The following CLNK variants were observed in gnomAD, a reference collection of about 807,000 sequenced individuals.
CLNK encodes cytokine-dependent hematopoietic cell linker.
CLNK carries 74 observed loss-of-function variants against 68.6 expected under a neutral mutation model. The observed-to-expected ratio is 1.08, with a 90% CI of 0.89 to 1.31. The LOEUF (loss-of-function observed/expected upper bound fraction) is 1.31. CLNK is among the 50% of genes most tolerant of loss of function. CLNK has a pLI of 0.00. For synonymous variants in CLNK, 198 were observed against 172.2 expected (o/e 1.15, Z -1.17); for missense variants, 553 against 515.3 (o/e 1.07, Z -0.71).
chr4:10,555,718 T>C (rs1719644022), intron 8 of CLNK, among the ~76,000 whole-genome samples: 1 of 152,234 alleles, frequency 6.6e-6, no homozygotes, highest in South Asian at 2.1e-4. Flanking sequence ...CCAATATGTT[T>C]TATTCTATGA....
chr4:10,694,205 C>G, the CLNK span, among the ~76,000 whole-genome samples: 1 of 151,362 alleles, frequency 6.6e-6, no homozygotes, highest in Non-Finnish European at 1.5e-5. Context: ...GCCTCTTTTG[C>G]TGATTCATAC....
intron 2 of CLNK, among the ~76,000 whole-genome samples, chr4:10,600,870 A>G (rs1487308178): frequency 1.3e-5 from 2 of 152,198 alleles, no homozygotes; most frequent in Non-Finnish European, 2.9e-5. Flanking sequence ...CAGCCCATGT[A>G]GCATTTGCCT....
At chr4:10,524,667 A>G (rs1337984337) in intron 14 of CLNK, among the ~76,000 whole-genome samples, 1 of 152,216 alleles carries the variant, frequency 6.6e-6, no homozygotes, top group Non-Finnish European at 1.5e-5. Flanking sequence ...GCTTGGCTTC[A>G]GTGGTAAAGG....
intron 1 of CLNK, among the ~76,000 whole-genome samples, chr4:10,672,128 T>C (rs1724671116): frequency 6.6e-6 from 1 of 152,102 alleles, no homozygotes; most frequent in Non-Finnish European, 1.5e-5. Context: ...CAATAGGCAA[T>C]GTCAGGGAAG....
At chr4:10,597,651 C>G (rs1014007415) in intron 3 of CLNK, among the ~76,000 whole-genome samples, 5 of 152,172 alleles carry the variant, frequency 3.3e-5, no homozygotes, top group Non-Finnish European at 5.9e-5. Context: ...ATCCATCATT[C>G]AAATCATTCA....
intron 14 of CLNK, 58 bp from the exon 15 acceptor site, chr4:10,520,889 T>C: frequency 7.5e-7 from 1 of 1,337,594 alleles, no homozygotes; most frequent in East Asian, 2.4e-5. Flanking sequence ...GGTGGTAAAA[T>C]TCCACTCAGA....
At chr4:10,558,648 G>C (rs1004499478) in intron 7 of CLNK, among the ~76,000 whole-genome samples, 196 bp from the exon 8 acceptor site, 1 of 152,176 alleles carries the variant, frequency 6.6e-6, no homozygotes, top group Non-Finnish European at 1.5e-5. Context: ...GCAGTGGCTT[G>C]AGTGGTGTTT....
In CLNK at chr4:10,507,960, T is replaced by C; in HGVS notation, c.983A>G (p.Lys328Arg). Residue 328 changes from lysine to arginine, a missense_variant and splice_region_variant, in exon 17 of 19, where the codon AAG becomes AGG. Coordinates refer to ENST00000226951, the MANE Select transcript of CLNK (RefSeq NM_052964.4). ...GATGGGCCACGTAGAAGGCATTACCTTGTTCTCCTTCATGAATGCCTCTTC... is the reference window on the plus strand; with the variant it reads ...GATGGGCCACGTAGAAGGCATTACCCTGTTCTCCTTCATGAATGCCTCTTC... ...AVEEAFMKEN[K>R]DGSFLVRDCS... 6.2e-7 allele frequency: 1 copy of C among 1,602,820 alleles called. No individual in the cohort carries two copies. Among genetic ancestry groups the C allele is most frequent in the Non-Finnish European group, 8.5e-7 (1 of 1,173,680 alleles).
intron 18 of CLNK, among the ~76,000 whole-genome samples, chr4:10,499,585 T>C (rs572703109): frequency 6.6e-6 from 1 of 152,358 alleles, no homozygotes; most frequent in Non-Finnish European, 1.5e-5. Context: ...CAATGTGCCC[T>C]ATTTTGTTAT....
the CLNK span, among the ~76,000 whole-genome samples, chr4:10,714,433 T>C: frequency 4.6e-5 from 7 of 152,214 alleles, no homozygotes; most frequent in Non-Finnish European, 1.0e-4. Context: ...TTTCCAAACC[T>C]ATTTTCCTAC....
At chr4:10,636,434 G>T (rs749037996) in intron 2 of CLNK, among the ~76,000 whole-genome samples, 1 of 152,186 alleles carries the variant, frequency 6.6e-6, no homozygotes, top group Non-Finnish European at 1.5e-5. Flanking sequence ...TGGAAGATAC[G>T]AGAGAGCACA....
chr4:10,499,108 G>T (rs1560189008), intron 18 of CLNK, among the ~76,000 whole-genome samples: 2 of 151,600 alleles, frequency 1.3e-5, no homozygotes, highest in East Asian at 3.9e-4. Flanking sequence ...TAACTTTTTA[G>T]CTCATTACAG....
At chr4:10,712,646 C>G in the CLNK span, among the ~76,000 whole-genome samples, 1 of 152,206 alleles carries the variant, frequency 6.6e-6, no homozygotes, top group African/African-American at 2.4e-5. Context: ...TAAATGGCAA[C>G]CAGCCACTGT....
intron 11 of CLNK, among the ~76,000 whole-genome samples, chr4:10,540,145 C>T (rs1577116210): frequency 6.6e-6 from 1 of 152,128 alleles, no homozygotes; most frequent in African/African-American, 2.4e-5. Context: ...TATGCTGTTC[C>T]CATGTTACTG....
At chr4:10,705,400 A>T in the CLNK span, among the ~76,000 whole-genome samples, 12 of 152,230 alleles carry the variant, frequency 7.9e-5, no homozygotes, top group Non-Finnish European at 1.3e-4. Context: ...TAAAAATCTT[A>T]TATTTCTGAA....
intron 11 of CLNK, among the ~76,000 whole-genome samples, chr4:10,537,638 T>TTC (rs1191182371): frequency 1.0e-4 from 6 of 57,518 alleles, no homozygotes; most frequent in Middle Eastern, 7.8e-3. Flanking sequence ...TCTTTCTTTC[T>TTC]CTTTCTTTCT....
In CLNK at chr4:10,503,051, G is replaced by A. The variant is rs559514514; in HGVS notation, c.985-1640C>T. 1.2e-3 allele frequency among the ~76,000 whole-genome samples: 177 copies of A among 152,268 alleles called. 1 individual carries two copies. Among genetic ancestry groups the A allele is most frequent in the African/African-American group, 4.0e-3 (167 of 41,548 alleles). On this transcript the variant is annotated intron_variant, in intron 17 of 18. Transcript: ENST00000226951. Reference sequence around the variant, plus strand: ...GAGAAATGGAGCAGTCCTCCTGAACGTGAACACATCTACCAGGCTTAGTTT... The same window carrying A: ...GAGAAATGGAGCAGTCCTCCTGAACATGAACACATCTACCAGGCTTAGTTT...
intron 10 of CLNK, among the ~76,000 whole-genome samples, chr4:10,540,935 C>G (rs1718987789): frequency 6.6e-6 from 1 of 152,052 alleles, no homozygotes; most frequent in South Asian, 2.1e-4. Context: ...AAAAAAGTGG[C>G]CAGGCATGGT....
intron 2 of CLNK, among the ~76,000 whole-genome samples, chr4:10,659,188 C>A (rs535689223): frequency 1.3e-5 from 2 of 152,036 alleles, no homozygotes; most frequent in Non-Finnish European, 2.9e-5. Context: ...GAAACAAGAG[C>A]GAAACTCTGT....
Sources: allele counts gnomAD v4.1 joint callset (sites outside exome capture counted in the v4.1 genomes callset), GRCh38; gene constraint gnomAD v4.1.1; transcripts MANE v1.5; gene names NCBI Gene and HGNC (gene_info 2026-07-23, HGNC 2026-07-21).